The following GNAL variants were observed in gnomAD, a reference collection of about 807,000 sequenced individuals.
GNAL encodes G protein subunit alpha L, also known as guanine nucleotide-binding protein G(olf) subunit alpha.
Under a neutral mutation model 55.1 loss-of-function variants are expected in GNAL, and 18 were observed. The observed-to-expected ratio is 0.33, with a 90% CI of 0.23 to 0.48. The LOEUF is 0.48. GNAL is among the 20% of genes least tolerant of loss of function. The pLI is 0.99. For missense variants in GNAL, 412 were observed against 614.1 expected (o/e 0.67, Z 3.48); for synonymous variants, 253 against 237.0 (o/e 1.07, Z -0.62).
In GNAL at chr18:11,804,733, G is replaced by A. The variant is rs112031036; in HGVS notation, c.625-20185G>A. On this transcript the variant is annotated intron_variant, in intron 4 of 11. Coordinates refer to ENST00000334049, the MANE Select transcript of GNAL (RefSeq NM_182978.4). ...TGAAGTACAGGAGCGGTTTGAGTGG[G>A]ACACGGAGATACTGTGTAGTGGTGA... Among the ~76,000 whole-genome samples the A allele has an allele frequency of 7.6e-3, 554 of 72,614 alleles. 59 individuals carry two copies. The highest frequency in any genetic ancestry group is 0.051 in the African/African-American group (474 of 9,386). The allele number at this position is 72,614 out of a possible 152,430, so 47.6% of individuals were successfully genotyped here.
intron 4 of GNAL, among the ~76,000 whole-genome samples, chr18:11,807,276 T>C (rs2034689198): frequency 6.6e-6 from 1 of 152,226 alleles, no homozygotes; most frequent in South Asian, 2.1e-4. Context: ...AGCCCACCTG[T>C]AATGCGATTT....
chr18:11,752,649 C>A lies in GNAL; in HGVS notation c.377-204C>A. On this transcript the variant is annotated intron_variant, in intron 1 of 11. Transcript: ENST00000334049. This position sits in a 1 kb window ranked among gnomAD's most constrained non-coding sequence, Gnocchi z 4.5. ...ACAGCCAGGAGCGGCGAGCGCCAGG[C>A]TGGGCGGGCAGGGCCGGGCGAGGGT... 1 of 1,422,484 alleles carries A rather than the reference C, an allele frequency of 7.0e-7. No homozygotes were observed. Among genetic ancestry groups the A allele is most frequent in the Non-Finnish European group, 9.2e-7 (1 of 1,088,920 alleles). The allele number at this position is 1,422,484 out of a possible 1,614,324, so 88.1% of individuals were successfully genotyped here. A position where few individuals can be genotyped will look rare whatever the true frequency, so the allele number is the denominator to read the frequency against.
At chr18:11,790,166 T>G (rs1213283036) in intron 4 of GNAL, among the ~76,000 whole-genome samples, 5 of 152,324 alleles carry the variant, frequency 3.3e-5, no homozygotes, top group Admixed American at 6.5e-5. Context: ...GTTTACCTCC[T>G]CAAGCCAGTT....
chr18:11,832,921 A>T (rs1357463411), intron 5 of GNAL, among the ~76,000 whole-genome samples: 1 of 152,160 alleles, frequency 6.6e-6, no homozygotes, highest in East Asian at 1.9e-4. Context: ...CTATAATTTT[A>T]AATTATGCAT....
At chr18:11,755,718 G>T (rs1261790351) in intron 4 of GNAL, among the ~76,000 whole-genome samples, 1 of 152,174 alleles carries the variant, frequency 6.6e-6, no homozygotes, top group Non-Finnish European at 1.5e-5. Flanking sequence ...GGAAGAAGGG[G>T]CTGGGCATCT....
At chr18:11,730,479 A>T (rs1231807719) in intron 1 of GNAL, among the ~76,000 whole-genome samples, 3 of 151,354 alleles carry the variant, frequency 2.0e-5, no homozygotes, top group Non-Finnish European at 4.4e-5. Flanking sequence ...TTTTCTAAAG[A>T]CTTGCTGGGC....
At chr18:11,803,093 A>AT (rs1285171383) in intron 4 of GNAL, among the ~76,000 whole-genome samples, 2 of 152,172 alleles carry the variant, frequency 1.3e-5, no homozygotes, top group Non-Finnish European at 1.5e-5. Flanking sequence ...TATAACATAA[A>AT]TTTTACCATC....
intron 5 of GNAL, among the ~76,000 whole-genome samples, chr18:11,830,282 CTTTTT>C (rs71172023): frequency 1.6e-4 from 16 of 99,210 alleles, no homozygotes; most frequent in African/African-American, 5.6e-4. Flanking sequence ...AGAATTGCAT[CTTTTT>C]TTTTTTTTTT....
intron 5 of GNAL, among the ~76,000 whole-genome samples, chr18:11,856,589 G>C (rs535782422): frequency 6.6e-6 from 1 of 150,970 alleles, no homozygotes; most frequent in Non-Finnish European, 1.5e-5. Flanking sequence ...TCCTCTCCCT[G>C]CTGAGAAATG....
At chr18:11,861,893 C>G in intron 5 of GNAL, among the ~76,000 whole-genome samples, 1 of 152,020 alleles carries the variant, frequency 6.6e-6, no homozygotes, top group Non-Finnish European at 1.5e-5. Flanking sequence ...TACACTTTTA[C>G]ACATTTACTC....
intron 1 of GNAL, among the ~76,000 whole-genome samples, chr18:11,712,623 T>C (rs768809789): frequency 6.6e-6 from 1 of 152,202 alleles, no homozygotes; most frequent in Non-Finnish European, 1.5e-5. Flanking sequence ...TGAACATTTA[T>C]AATTTTTTTC....
chr18:11,822,416 G>A (rs914707987), intron 4 of GNAL, among the ~76,000 whole-genome samples: 6 of 152,196 alleles, frequency 3.9e-5, no homozygotes, highest in African/African-American at 1.4e-4. Context: ...ACCAGCTTGG[G>A]CAACATGGTA....
intron 4 of GNAL, among the ~76,000 whole-genome samples, chr18:11,807,406 A>G (rs534541834): frequency 6.6e-6 from 1 of 152,322 alleles, no homozygotes; most frequent in East Asian, 1.9e-4. Context: ...TGATGGCTTC[A>G]GTCAGGAATT....
chr18:11,884,724 C>T lies in GNAL; in HGVS notation c.*3589C>T, dbSNP rs1438932025. On this transcript the variant is annotated 3_prime_UTR_variant, in exon 12 of 12. Transcript: ENST00000334049. ...AGAGGGAAGACTGCCTTCTCAGGTC[C>T]CCCTCAGGTGAGGCAGGGAACGGGC... 1 of 1,395,168 alleles carries T rather than the reference C, an allele frequency of 7.2e-7. No homozygotes were observed. Among genetic ancestry groups the T allele is most frequent in the Non-Finnish European group, 9.8e-7 (1 of 1,017,656 alleles). The allele number at this position is 1,395,168 out of a possible 1,614,324, so 86.4% of individuals were successfully genotyped here.
Position 11,882,767 on chromosome 18 carries a change from T to C in GNAL, c.*1632T>C, listed in dbSNP as rs1220850909. ...TGAGGATGACAGCTTCACTTGCCTT[T>C]TGAAGAAGAAACATTACAAAACCTT... is the stretch of plus-strand genomic sequence containing the variant. On this transcript the variant is annotated 3_prime_UTR_variant, in exon 12 of 12. Transcript: ENST00000334049. 1 of 152,088 alleles carries C rather than the reference T, an allele frequency of 6.6e-6. No homozygotes were observed. The highest frequency in any genetic ancestry group is 6.6e-5 in the Admixed American group (1 of 15,262). 9.4% of individuals were successfully genotyped at this position (152,088 alleles called of 1,614,324 possible). A position where few individuals can be genotyped will look rare whatever the true frequency, so the allele number is the denominator to read the frequency against.
chr18:11,809,095 C>G (rs1458549378), intron 4 of GNAL, among the ~76,000 whole-genome samples: 1 of 151,436 alleles, frequency 6.6e-6, no homozygotes, highest in Admixed American at 6.6e-5. Context: ...CTGTCTCTAC[C>G]TAAAAAACAA....
intron 4 of GNAL, among the ~76,000 whole-genome samples, chr18:11,776,940 C>T (rs967470659): frequency 6.6e-6 from 1 of 151,600 alleles, no homozygotes; most frequent in South Asian, 2.1e-4. Context: ...AAGAATGCAA[C>T]GAAAAAAATC....
chr18:11,754,219 A>G (rs1462279105), intron 4 of GNAL, among the ~76,000 whole-genome samples: 2 of 152,118 alleles, frequency 1.3e-5, no homozygotes, highest in African/African-American at 4.8e-5. Context: ...GTTCAAGCCC[A>G]GTCTGTCCAA....
At chr18:11,789,156 C>T (rs2034159806) in intron 4 of GNAL, among the ~76,000 whole-genome samples, 1 of 151,884 alleles carries the variant, frequency 6.6e-6, no homozygotes, top group Admixed American at 6.6e-5. Context: ...CCAACCCTGC[C>T]ACAACACAGA....
Sources: gnomAD v4.1 joint callset for allele counts (sites outside exome capture counted in the v4.1 genomes callset) on GRCh38, gnomAD v4.1.1 for gene constraint, Gnocchi (gnomAD v3.1) non-coding constraint, MANE v1.5 for transcripts, NCBI Gene and HGNC (gene_info 2026-07-23, HGNC 2026-07-21) for gene names.